The following WNT7A variants were observed in gnomAD, a reference collection of about 807,000 sequenced individuals.
The protein encoded by WNT7A is Wnt family member 7A, also known as protein Wnt-7a.
WNT7A carries 16 observed loss-of-function variants against 28.2 expected under a neutral mutation model. The observed-to-expected ratio is 0.57, with a 90% CI of 0.38 to 0.86. The LOEUF (loss-of-function observed/expected upper bound fraction) is 0.86. Ranked by LOEUF, WNT7A falls within the 40% of genes least tolerant of loss-of-function variation. The pLI, the probability that WNT7A is intolerant of heterozygous loss-of-function variation, is 0.00. For missense variants in WNT7A, 411 were observed against 489.7 expected, an observed-to-expected ratio of 0.84 and a Z score of 1.52; for synonymous variants, 190 against 195.9, an observed-to-expected ratio of 0.97 and a Z score of 0.25.
At chr3:13,859,173 G>C (rs1297084803) in intron 2 of WNT7A, among the ~76,000 whole-genome samples, 1 of 152,214 alleles carries the variant, frequency 6.6e-6, no homozygotes, top group African/African-American at 2.4e-5. Flanking sequence ...CAGCAGAGAG[G>C]CAAGTATGTG....
At chr3:13,823,482 C>T (rs1166617749) in intron 3 of WNT7A, among the ~76,000 whole-genome samples, 1 of 152,188 alleles carries the variant, frequency 6.6e-6, no homozygotes, top group Non-Finnish European at 1.5e-5. Flanking sequence ...GTCCCACAGG[C>T]CCTGCCAAGC....
chr3:13,844,736 T>C (rs1311874103), intron 3 of WNT7A, among the ~76,000 whole-genome samples: 1 of 152,186 alleles, frequency 6.6e-6, no homozygotes, highest in African/African-American at 2.4e-5. Context: ...GAGTCCTTCC[T>C]AGGGACACAG....
At chr3:13,847,464 T>C (rs1694557838) in intron 3 of WNT7A, among the ~76,000 whole-genome samples, 1 of 152,124 alleles carries the variant, frequency 6.6e-6, no homozygotes, top group South Asian at 2.1e-4. Flanking sequence ...AGGGTCTCAG[T>C]CTCTCATTGA....
chr3:13,817,862 G>A lies in WNT7A; in HGVS notation c.*1082C>T, dbSNP rs1694033998. The A allele has an allele frequency of 1.3e-5, 2 of 152,178 alleles. 1 individual carries two copies. Among genetic ancestry groups the A allele is most frequent in the Admixed American group, 1.3e-4 (2 of 15,282 alleles). The allele number at this position is 152,178 out of a possible 1,614,324, so 9.4% of individuals were successfully genotyped here. ...ACCACTCAGTGGCCCTGCTTGAAAG[G>A]CCTGAGCTTAACAGGCTGAGGCTGG... On this transcript the variant is annotated 3_prime_UTR_variant, in exon 4 of 4. Transcript: ENST00000285018.
chr3:13,823,404 G>A (rs989578241), intron 3 of WNT7A, among the ~76,000 whole-genome samples: 3 of 152,172 alleles, frequency 2.0e-5, no homozygotes, highest in African/African-American at 7.2e-5. Flanking sequence ...TTCACCAAGG[G>A]GGTGCATTCA....
At chr3:13,845,769 C>T (rs79472086) in intron 3 of WNT7A, among the ~76,000 whole-genome samples, 2,085 of 152,336 alleles carry the variant, frequency 0.014, 21 homozygotes, top group Non-Finnish European at 0.02. Flanking sequence ...GTGACATGGC[C>T]TAGGATGTGT....
intron 3 of WNT7A, among the ~76,000 whole-genome samples, chr3:13,826,522 A>C (rs1694198838): frequency 6.6e-6 from 1 of 152,170 alleles, no homozygotes. Flanking sequence ...AGGCTTAAGG[A>C]AGAGCACATG....
At position 13,854,573 on chromosome 3, in the gene WNT7A, G is replaced by GGGCAT; in HGVS notation, c.524_528dup (p.Arg177MetfsTer6). The GGGCAT allele has an allele frequency of 6.2e-7, 1 of 1,614,164 alleles. No individual in the cohort carries two copies. ...TTGTTGTGCAAGTTCATGAGAGTCC[G>GGGCAT]GGCATTCTGCTTGATCTCCCGGGCA... On this transcript the variant is annotated frameshift_variant, in exon 3 of 4. Transcript: ENST00000285018. LOFTEE classifies it low-confidence loss of function (END_TRUNC).
intron 3 of WNT7A, among the ~76,000 whole-genome samples, chr3:13,837,914 G>A (rs1694394850): frequency 6.6e-6 from 1 of 152,176 alleles, no homozygotes; most frequent in Non-Finnish European, 1.5e-5. Context: ...ACCTGTGTTG[G>A]CGTCCAGCGT....
At position 13,869,693 on chromosome 3, in the gene WNT7A, T is replaced by G. The variant is rs76981229; in HGVS notation, c.298+5254A>C. Among the ~76,000 whole-genome samples the G allele has an allele frequency of 5.4e-4, 78 of 143,392 alleles. 1 individual carries two copies. The highest frequency in any genetic ancestry group is 7.3e-3 in the Middle Eastern group (2 of 274). The allele number at this position is 143,392 out of a possible 152,430, so 94.1% of individuals were successfully genotyped here. ...AGGGAGGGAGGGAGGAAGGGAAAGA[T>G]AGAGAAAGAAGGAGAGAAAGAAAGA... On this transcript the variant is annotated intron_variant, in intron 2 of 3. Transcript: ENST00000285018.
intron 3 of WNT7A, among the ~76,000 whole-genome samples, chr3:13,846,136 C>A (rs951678186): frequency 6.6e-6 from 1 of 152,226 alleles, no homozygotes; most frequent in African/African-American, 2.4e-5. Flanking sequence ...CAAGGACTGC[C>A]CCAAGGCCAC....
At chr3:13,833,212 C>T (rs1694310012) in intron 3 of WNT7A, among the ~76,000 whole-genome samples, 1 of 152,198 alleles carries the variant, frequency 6.6e-6, no homozygotes, top group Admixed American at 6.5e-5. Context: ...TCAAAGCACA[C>T]ACTCTTACGC....
chr3:13,871,645 C>T (rs1173875805), intron 2 of WNT7A, among the ~76,000 whole-genome samples: 1 of 152,046 alleles, frequency 6.6e-6, no homozygotes, highest in Non-Finnish European at 1.5e-5. Flanking sequence ...GTCACTCTCC[C>T]TCCTTCCTGG....
intron 3 of WNT7A, among the ~76,000 whole-genome samples, chr3:13,847,110 G>A (rs1299931115): frequency 3.9e-5 from 6 of 152,186 alleles, no homozygotes; most frequent in African/African-American, 7.2e-5. Context: ...CTCTGCCCTC[G>A]CTGTGTCATC....
intron 2 of WNT7A, among the ~76,000 whole-genome samples, chr3:13,861,526 G>A (rs143872747): frequency 3.3e-5 from 5 of 152,364 alleles, no homozygotes; most frequent in African/African-American, 1.2e-4. Flanking sequence ...CTTTGAAGAA[G>A]GTGACACAGG....
At chr3:13,864,799 T>C (rs1694885057) in intron 2 of WNT7A, among the ~76,000 whole-genome samples, 1 of 152,234 alleles carries the variant, frequency 6.6e-6, no homozygotes, top group South Asian at 2.1e-4. Context: ...CTTCATTCTA[T>C]ACACTGTGTT....
intron 3 of WNT7A, among the ~76,000 whole-genome samples, chr3:13,840,473 G>A (rs1234690352): frequency 6.6e-6 from 1 of 152,198 alleles, no homozygotes; most frequent in African/African-American, 2.4e-5. Flanking sequence ...ACGAATGCAT[G>A]GATTTCCATC....
In WNT7A at chr3:13,818,506, C is replaced by T. The variant is rs1694053462; in HGVS notation, c.*438G>A. 1.3e-5 allele frequency: 2 copies of T among 152,734 alleles called. No individual in the cohort carries two copies. The highest frequency in any genetic ancestry group is 1.9e-4 in the East Asian group (1 of 5,206). The allele number at this position is 152,734 out of a possible 1,614,324, so 9.5% of individuals were successfully genotyped here. A position where few individuals can be genotyped will look rare whatever the true frequency, so the allele number is the denominator to read the frequency against. On this transcript the variant is annotated 3_prime_UTR_variant, in exon 4 of 4. Transcript: ENST00000285018. The stretch of plus-strand genomic sequence containing the variant: ...AATAGTTATGTACACTTCTACACGG[C>T]TCCTTGTCCTAGCAACAAAATCATC...
rs536384321 is a variant in WNT7A at position 13,849,011 on chromosome 3, A to T, written c.570+5521T>A. 2.0e-5 allele frequency among the ~76,000 whole-genome samples: 3 copies of T among 152,322 alleles called. No individual in the cohort carries two copies. The East Asian group carries it at 5.8e-4, about 29-fold the overall frequency. On this transcript the variant is annotated intron_variant, in intron 3 of 3. Transcript: ENST00000285018. ...TCGTCTGGAAAGGTTATACTGTAAGACCCACCTATGTAACATCGTTAAAAT... is the reference window on the plus strand; with the variant it reads ...TCGTCTGGAAAGGTTATACTGTAAGTCCCACCTATGTAACATCGTTAAAAT...
Sources: allele counts gnomAD v4.1 joint callset (sites outside exome capture counted in the v4.1 genomes callset), GRCh38; gene constraint gnomAD v4.1.1; transcripts MANE v1.5; gene names NCBI Gene and HGNC (gene_info 2026-07-23, HGNC 2026-07-21).